The following CERS6 variants were observed in gnomAD, a reference collection of about 807,000 sequenced individuals.
CERS6 encodes the protein ceramide synthase 6, also known as LAG1 homolog, ceramide synthase 6.
CERS6 carries 26 observed loss-of-function variants against 56.8 expected under a neutral mutation model. The ratio of observed to expected loss-of-function variants is 0.46; its 90% confidence interval spans 0.34 to 0.63. The LOEUF (loss-of-function observed/expected upper bound fraction) is 0.63, where lower values mean the gene tolerates loss of function less well. CERS6 is among the 30% of genes least tolerant of loss of function. The pLI, the probability that CERS6 is intolerant of heterozygous loss-of-function variation, is 0.01. For synonymous variants in CERS6, 164 were observed against 173.3 expected, an observed-to-expected ratio of 0.95 and a Z score of 0.42; for missense variants, 415 against 467.5, an observed-to-expected ratio of 0.89 and a Z score of 1.04.
chr2:168,724,102 G>A (rs1031779839), intron 8 of CERS6, among the ~76,000 whole-genome samples: 7 of 152,104 alleles, frequency 4.6e-5, no homozygotes, highest in Admixed American at 4.6e-4. Flanking sequence ...TGGTGCATCT[G>A]GAGTCTGTCC....
intron 8 of CERS6, among the ~76,000 whole-genome samples, chr2:168,764,336 G>A (rs1046424372): frequency 6.6e-5 from 10 of 151,952 alleles, no homozygotes; most frequent in South Asian, 4.2e-4. Context: ...TAGAGACGGC[G>A]TTGCACCATG....
chr2:168,536,353 A>C (rs1695263660), intron 1 of CERS6, among the ~76,000 whole-genome samples: 1 of 152,182 alleles, frequency 6.6e-6, no homozygotes, highest in Admixed American at 6.5e-5. Flanking sequence ...ACACGTAGAG[A>C]TCTAATGTAC....
At chr2:168,468,729 C>T (rs540842770) in intron 1 of CERS6, among the ~76,000 whole-genome samples, 1 of 152,258 alleles carries the variant, frequency 6.6e-6, no homozygotes, top group South Asian at 2.1e-4. Context: ...CCCCATTTTC[C>T]CTAGTTAGGG....
chr2:168,688,423 A>AG (rs1686412081), intron 4 of CERS6, among the ~76,000 whole-genome samples: 1 of 151,838 alleles, frequency 6.6e-6, no homozygotes, highest in Non-Finnish European at 1.5e-5. Context: ...CTCAAAAAAA[A>AG]AAAAAAAGAA....
At chr2:168,727,252 TA>T (rs35364154) in intron 8 of CERS6, among the ~76,000 whole-genome samples, 2 of 150,996 alleles carry the variant, frequency 1.3e-5, no homozygotes, top group Non-Finnish European at 3.0e-5. Flanking sequence ...TTTCTACAAT[TA>T]AAAAAAAACA....
At chr2:168,534,375 C>T (rs1391921162) in intron 1 of CERS6, among the ~76,000 whole-genome samples, 1 of 148,844 alleles carries the variant, frequency 6.7e-6, no homozygotes, top group Non-Finnish European at 1.5e-5. Flanking sequence ...GATCTTTGAA[C>T]CTGCTAACCC....
chr2:168,459,345 C>T lies in CERS6; in HGVS notation c.170+2727C>T, dbSNP rs145268373. ...AAGAATTGACTGAAATGGGCTTTGCCCAGTTAAACAGTCCTTTCTTTTTAT... is the reference window on the plus strand; with the variant it reads ...AAGAATTGACTGAAATGGGCTTTGCTCAGTTAAACAGTCCTTTCTTTTTAT... On this transcript the variant is annotated intron_variant, in intron 1 of 9. Transcript: ENST00000305747. Among the ~76,000 whole-genome samples, 906 of 152,312 alleles carry T rather than the reference C, an allele frequency of 5.9e-3. 9 individuals carry two copies. Among genetic ancestry groups the T allele is most frequent in the African/African-American group, 0.02 (816 of 41,562 alleles).
At chr2:168,728,755 C>T (rs954544327) in intron 8 of CERS6, among the ~76,000 whole-genome samples, 1 of 151,710 alleles carries the variant, frequency 6.6e-6, no homozygotes, top group African/African-American at 2.4e-5. Context: ...TCTGTAATCC[C>T]AGCACTTTGG....
At position 168,575,268 on chromosome 2, in the gene CERS6, A is replaced by G. The variant is rs138053128; in HGVS notation, c.407+13946A>G. 5.6e-3 allele frequency among the ~76,000 whole-genome samples: 850 copies of G among 152,232 alleles called. 6 individuals carry two copies. The highest frequency in any genetic ancestry group is 9.7e-3 in the Non-Finnish European group (661 of 68,034). On this transcript the variant is annotated intron_variant, in intron 3 of 9. Transcript: ENST00000305747. Reference sequence around the variant, plus strand: ...TCCGTTTTCACACTGCTATAAAGATATTACTGGAGACTAGGTAATTTATAA... The same window carrying G: ...TCCGTTTTCACACTGCTATAAAGATGTTACTGGAGACTAGGTAATTTATAA...
Position 168,646,015 on chromosome 2 carries a change from T to A in CERS6, c.465+14973T>A, listed in dbSNP as rs201665690. On this transcript the variant is annotated intron_variant, in intron 4 of 9. Coordinates refer to ENST00000305747, the MANE Select transcript of CERS6 (RefSeq NM_203463.3). ...GCAGTGAACGTTCACATGCATGTGT[T>A]TTTATGGTGGAATGATTCATATTCC... Among the ~76,000 whole-genome samples, 23 of 152,296 alleles carry A rather than the reference T, an allele frequency of 1.5e-4. No homozygotes were observed. The East Asian group carries it at 4.4e-3, about 29-fold the overall frequency.
intron 3 of CERS6, among the ~76,000 whole-genome samples, chr2:168,573,055 A>C (rs1027050789): frequency 6.6e-6 from 1 of 152,136 alleles, no homozygotes; most frequent in African/African-American, 2.4e-5. Context: ...GGAGGAGGTG[A>C]CACTGCTGAA....
chr2:168,768,904 C>CAAAAAAAAAAAAAAAAAAAAAAAAA (rs765504573), intron 9 of CERS6, among the ~76,000 whole-genome samples: 1 of 59,412 alleles, frequency 1.7e-5, no homozygotes, highest in Admixed American at 1.8e-4. Flanking sequence ...GACTCTGACT[C>CAAAAAAAAAAAAAAAAAAAAAAAAA]AAAAAAAAAA....
chr2:168,666,478 T>C (rs1685765713), intron 4 of CERS6, among the ~76,000 whole-genome samples: 1 of 152,226 alleles, frequency 6.6e-6, no homozygotes. Flanking sequence ...CATGTCTGTT[T>C]TGTGGTTTGA....
At chr2:168,723,031 G>T (rs1464206864) in intron 8 of CERS6, among the ~76,000 whole-genome samples, 1 of 152,102 alleles carries the variant, frequency 6.6e-6, no homozygotes, top group Non-Finnish European at 1.5e-5. Context: ...CCTGTTTAAT[G>T]ACCCTATTTT....
chr2:168,520,391 C>G (rs566268610), intron 1 of CERS6, among the ~76,000 whole-genome samples: 96 of 152,116 alleles, frequency 6.3e-4, no homozygotes, highest in African/African-American at 2.1e-3. Context: ...TCTGTTTACT[C>G]TATTGATAGT....
At chr2:168,614,157 T>C (rs1278022365) in intron 3 of CERS6, among the ~76,000 whole-genome samples, 3 of 152,350 alleles carry the variant, frequency 2.0e-5, no homozygotes, top group South Asian at 4.1e-4. Context: ...ATACAAATTA[T>C]TGGTCAGAAG....
chr2:168,588,037 G>A (rs1016548093), intron 3 of CERS6, among the ~76,000 whole-genome samples: 17 of 151,544 alleles, frequency 1.1e-4, no homozygotes, highest in Non-Finnish European at 4.4e-5. Flanking sequence ...GTGATCCTCC[G>A]GCCTCAGCTC....
chr2:168,770,460 CATAGTT>C lies in CERS6; in HGVS notation c.*802_*807del, dbSNP rs1684835232. ...TTGAAGGAGGATATTCACTGAAGCT[CATAGTT>C]ATAAACAAGGAAATCACTGTTAAGA... On this transcript the variant is annotated 3_prime_UTR_variant, in exon 10 of 10. Transcript: ENST00000305747. 1 of 152,408 alleles carries C rather than the reference CATAGTT, an allele frequency of 6.6e-6. No individual in the cohort carries two copies. Among genetic ancestry groups the C allele is most frequent in the Admixed American group, 6.6e-5 (1 of 15,256 alleles). 9.4% of individuals were successfully genotyped at this position (152,408 alleles called of 1,614,324 possible). A position where few individuals can be genotyped will look rare whatever the true frequency, so the allele number is the denominator to read the frequency against.
intron 4 of CERS6, among the ~76,000 whole-genome samples, chr2:168,651,779 T>C (rs2105317944): frequency 6.6e-6 from 1 of 152,160 alleles, no homozygotes; most frequent in East Asian, 1.9e-4. Context: ...GAGATTTGGG[T>C]GGGGACACAG....
Sources: allele counts gnomAD v4.1 joint callset (sites outside exome capture counted in the v4.1 genomes callset), GRCh38; gene constraint gnomAD v4.1.1; transcripts MANE v1.5; gene names NCBI Gene and HGNC (gene_info 2026-07-23, HGNC 2026-07-21).